Variants in F2RL1 observed in about 807,000 individuals in gnomAD.
The protein encoded by F2RL1 is F2R like trypsin receptor 1.
Under a neutral mutation model 21.7 loss-of-function variants are expected in F2RL1, and 16 were observed. The observed-to-expected ratio is 0.74, with a 90% CI of 0.50 to 1.12. F2RL1 has a LOEUF of 1.12. Among genes scored for constraint, F2RL1 ranks in the 50% most tolerant of loss-of-function variants. The pLI, the probability that F2RL1 is intolerant of heterozygous loss-of-function variation, is 0.00. For missense variants in F2RL1, 432 were observed against 477.8 expected, an observed-to-expected ratio of 0.90 and a Z score of 0.89; for synonymous variants, 181 against 186.7, an observed-to-expected ratio of 0.97 and a Z score of 0.25.
chr5:76,835,100 GTATT>G lies in F2RL1; in HGVS notation c.*1304_*1307del, dbSNP rs1335397815. On this transcript the variant is annotated 3_prime_UTR_variant, in exon 2 of 2. Transcript: ENST00000296677. ...AGTATTTTAAAAAATAATTGTTGGA[GTATT>G]TATTGTCAGTTTTGTTCACTTGTTA... 6.6e-6 allele frequency: 1 copy of G among 152,256 alleles called. No individual in the cohort carries two copies. 9.4% of individuals were successfully genotyped at this position (152,256 alleles called of 1,614,324 possible). A position where few individuals can be genotyped will look rare whatever the true frequency, so the allele number is the denominator to read the frequency against.
rs1436354635 is a variant in F2RL1, at chr5:76,832,912, T to A, written c.305T>A (p.Phe102Tyr). ...GGCATGGCCCTGTGGGTCTTTCTTT[T>A]CCGAACTAAGAAGAAGCACCCTGCT... ...SNGMALWVFLFRTKKKHPAVI... is the reference protein window; with the variant it reads ...SNGMALWVFLYRTKKKHPAVI... The change falls in exon 2 of 2, where the codon TTC (phenylalanine) becomes TAC (tyrosine). Residue 102 changes from phenylalanine to tyrosine, a missense_variant. Coordinates refer to ENST00000296677, the MANE Select transcript of F2RL1 (RefSeq NM_005242.6). 2 of 1,614,202 alleles carry A rather than the reference T, an allele frequency of 1.2e-6. No individual in the cohort carries two copies. Among genetic ancestry groups the A allele is most frequent in the Admixed American group, 3.3e-5 (2 of 60,020 alleles).
chr5:76,824,169 C>G (rs1484287916), intron 1 of F2RL1, among the ~76,000 whole-genome samples: 1 of 144,928 alleles, frequency 6.9e-6, no homozygotes, highest in Non-Finnish European at 1.5e-5. Flanking sequence ...ACCCCCCCCC[C>G]CTTTTTTTTT....
intron 1 of F2RL1, among the ~76,000 whole-genome samples, chr5:76,828,512 CAG>C (rs1278340713): frequency 7.3e-6 from 1 of 137,482 alleles, no homozygotes; most frequent in East Asian, 2.1e-4. Context: ...AATATAGAGA[CAG>C]GGGCCTCACT....
intron 1 of F2RL1, 51 bp downstream of exon 1, chr5:76,819,315 G>C: frequency 2.1e-6 from 3 of 1,461,964 alleles, no homozygotes; most frequent in Non-Finnish European, 1.9e-6. Context: ...CTGGGGTCCT[G>C]GGCACGCTGG....
intron 1 of F2RL1, among the ~76,000 whole-genome samples, chr5:76,827,626 A>G (rs1331981394): frequency 3.9e-5 from 4 of 101,686 alleles, no homozygotes; most frequent in African/African-American, 1.6e-4. Flanking sequence ...TTTTTTTGAG[A>G]CGGAGTCATG....
In F2RL1 at chr5:76,833,545, T is replaced by A; in HGVS notation, c.938T>A (p.Leu313Gln). ...SNLLLVVHYF[L>Q]IKSQGQSHVY... ...CTTCTGCTTGTGGTGCATTATTTTC[T>A]GATTAAGAGCCAGGGCCAGAGCCAT... Residue 313 changes from leucine to glutamine, a missense_variant, in exon 2 of 2, where the codon CTG (leucine) becomes CAG (glutamine). By Grantham distance (113) the Leu-to-Gln change is moderately radical. Coordinates refer to ENST00000296677, the MANE Select transcript of F2RL1 (RefSeq NM_005242.6). The A allele has an allele frequency of 6.2e-7, 1 of 1,613,844 alleles. No homozygotes were observed. The highest frequency in any genetic ancestry group is 8.5e-7 in the Non-Finnish European group (1 of 1,180,004).
chr5:76,833,608 C>T lies in F2RL1; in HGVS notation c.1001C>T (p.Thr334Ile). ...ALYIVALCLS[T>I]LNSCIDPFVY... ...TACATTGTAGCCCTCTGCCTCTCTA[C>T]CCTTAACAGCTGCATCGACCCCTTT... The change falls in exon 2 of 2, where the codon ACC becomes ATC. Residue 334 changes from threonine to isoleucine, a missense_variant. By Grantham distance (89) the Thr-to-Ile change is moderately conservative (BLOSUM62 -1). Coordinates refer to ENST00000296677, the MANE Select transcript of F2RL1 (RefSeq NM_005242.6). 3 of 1,613,954 alleles carry T rather than the reference C, an allele frequency of 1.9e-6. No individual in the cohort carries two copies. The highest frequency in any genetic ancestry group is 2.5e-6 in the Non-Finnish European group (3 of 1,180,010).
intron 1 of F2RL1, among the ~76,000 whole-genome samples, chr5:76,830,812 C>T (rs947848396): frequency 2.0e-5 from 3 of 152,194 alleles, no homozygotes; most frequent in African/African-American, 4.8e-5. Context: ...ACACTCCACC[C>T]AGGCTAGCAT....
chr5:76,823,234 A>G (rs1400945203), intron 1 of F2RL1, among the ~76,000 whole-genome samples: 1 of 151,898 alleles, frequency 6.6e-6, no homozygotes. Flanking sequence ...AGTCTCAAAA[A>G]AAAAAAAAAG....
At chr5:76,832,542 G>A (rs2243060) in intron 1 of F2RL1, 148 bp from the exon 2 acceptor site, 140,142 of 781,750 alleles carry the variant, frequency 0.18, 14,868 homozygotes, top group South Asian at 0.3. Flanking sequence ...CATTATGATC[G>A]CTCCACTACG....
intron 1 of F2RL1, among the ~76,000 whole-genome samples, chr5:76,823,252 C>G (rs2243021): frequency 6.6e-6 from 1 of 150,822 alleles, no homozygotes; most frequent in African/African-American, 2.4e-5. Context: ...AAGTTTTACA[C>G]GCAGATTTTC....
chr5:76,833,384 C>T lies in F2RL1; in HGVS notation c.777C>T (p.Ala259=). 3.1e-6 allele frequency: 5 copies of T among 1,614,032 alleles called. No homozygotes were observed. The highest frequency in any genetic ancestry group is 4.2e-6 in the Non-Finnish European group (5 of 1,180,026). Residue 259 remains alanine (A), a synonymous_variant, in exon 2 of 2, where the codon GCC becomes GCT. Coordinates refer to ENST00000296677, the MANE Select transcript of F2RL1 (RefSeq NM_005242.6). Reference sequence around the variant, plus strand: ...TTCTGTTCCCAGCCTTCCTCACAGCCTCTGCCTATGTGCTGATGATCAGAA... The same window carrying T: ...TTCTGTTCCCAGCCTTCCTCACAGCTTCTGCCTATGTGCTGATGATCAGAA... The part of the protein sequence containing the change: ...GVFLFPAFLT[A]SAYVLMIRML...
In F2RL1 at chr5:76,833,681, T is replaced by C. The variant is rs1372013524; in HGVS notation, c.1074T>C (p.Ala358=). 6.2e-7 allele frequency: 1 copy of C among 1,613,948 alleles called. No homozygotes were observed. The change falls in exon 2 of 2, where the codon GCT becomes GCC. Residue 358 remains alanine, a synonymous_variant. Coordinates refer to ENST00000296677, the MANE Select transcript of F2RL1 (RefSeq NM_005242.6). ...ATTTCAGGGATCATGCAAAGAACGC[T>C]CTCCTTTGCCGAAGTGTCCGCACTG... is the stretch of plus-strand genomic sequence containing the variant. The part of the protein sequence containing the change: ...SHDFRDHAKN[A]LLCRSVRTVK...
At position 76,822,925 on chromosome 5, in the gene F2RL1, A is replaced by C. The variant is rs138753055; in HGVS notation, c.82+3661A>C. 3.5e-4 allele frequency among the ~76,000 whole-genome samples: 54 copies of C among 152,122 alleles called. No homozygotes were observed. The East Asian group carries it at 0.01, about 29-fold the overall frequency. Reference sequence around the variant, plus strand: ...TGGGCCACAAGAGGAGTATACTTAAAATAAAAATTAAATTAAAAGTTTTAG... The same window carrying C: ...TGGGCCACAAGAGGAGTATACTTAACATAAAAATTAAATTAAAAGTTTTAG... On this transcript the variant is annotated intron_variant, in intron 1 of 1. Transcript: ENST00000296677.
Position 76,819,320 on chromosome 5 carries a change from C to T in F2RL1, c.82+56C>T, listed in dbSNP as rs544010402. The T allele has an allele frequency of 5.2e-5, 76 of 1,452,410 alleles. No homozygotes were observed. In the East Asian group the frequency reaches 1.7e-3, roughly 33 times the overall value. 90.0% of individuals were successfully genotyped at this position (1,452,410 alleles called of 1,614,324 possible). A position where few individuals can be genotyped will look rare whatever the true frequency, so the allele number is the denominator to read the frequency against. ...CTCTGAGGAGCTGGGGTCCTGGGCACGCTGGGCAGACGGTGGGATCCGGGC... is the reference window on the plus strand; with the variant it reads ...CTCTGAGGAGCTGGGGTCCTGGGCATGCTGGGCAGACGGTGGGATCCGGGC... On this transcript the variant is annotated intron_variant, in intron 1 of 1. Coordinates refer to ENST00000296677, the MANE Select transcript of F2RL1 (RefSeq NM_005242.6).
At chr5:76,829,266 T>C (rs554706395) in intron 1 of F2RL1, among the ~76,000 whole-genome samples, 1,798 of 29,728 alleles carry the variant, frequency 0.06, 33 homozygotes, top group African/African-American at 0.31. Flanking sequence ...TCTTCTTCTT[T>C]TTTTTTTTTT....
intron 1 of F2RL1, among the ~76,000 whole-genome samples, chr5:76,827,885 C>T (rs1750273971): frequency 6.6e-6 from 1 of 152,176 alleles, no homozygotes; most frequent in Non-Finnish European, 1.5e-5. Context: ...GCGTGAGCCA[C>T]TGCGTCCAGC....
At chr5:76,826,888 CAG>C (rs1220208638) in intron 1 of F2RL1, among the ~76,000 whole-genome samples, 1 of 151,224 alleles carries the variant, frequency 6.6e-6, no homozygotes, top group African/African-American at 2.4e-5. Flanking sequence ...TTTTTTGAGA[CAG>C]GGTCCTGCTC....
Position 76,833,609 on chromosome 5 carries a change from C to T in F2RL1, c.1002C>T (p.Thr334=), listed in dbSNP as rs1485467964. Residue 334 remains threonine (T), a synonymous_variant, in exon 2 of 2, where the codon ACC becomes ACT. Transcript: ENST00000296677. ...ALYIVALCLS[T]LNSCIDPFVY... ...ACATTGTAGCCCTCTGCCTCTCTACCCTTAACAGCTGCATCGACCCCTTTG... is the reference window on the plus strand; with the variant it reads ...ACATTGTAGCCCTCTGCCTCTCTACTCTTAACAGCTGCATCGACCCCTTTG... 1 of 1,613,934 alleles carries T rather than the reference C, an allele frequency of 6.2e-7. No individual in the cohort carries two copies. The highest frequency in any genetic ancestry group is 8.5e-7 in the Non-Finnish European group (1 of 1,180,010).
Sources: allele counts gnomAD v4.1 joint callset (sites outside exome capture counted in the v4.1 genomes callset), GRCh38; gene constraint gnomAD v4.1.1; transcripts MANE v1.5; gene names NCBI Gene and HGNC (gene_info 2026-07-23, HGNC 2026-07-21).